Variants in CSMD1 observed in about 807,000 individuals in gnomAD.
CSMD1 encodes the protein CUB and sushi domain-containing protein 1.
A neutral mutation model predicts 417.5 loss-of-function variants in CSMD1; 213 were observed. The ratio of observed to expected loss-of-function variants is 0.51; its 90% CI spans 0.46 to 0.57. The LOEUF (loss-of-function observed/expected upper bound fraction) is 0.57. Ranked by LOEUF, CSMD1 falls within the 20% of genes least tolerant of loss-of-function variation. CSMD1 has a pLI of 0.00. For missense variants in CSMD1, 6,923 were observed against 4,529.7 expected, an observed-to-expected ratio of 1.53 and a Z score of -15.17; for synonymous variants, 2,862 against 1,736.8, an observed-to-expected ratio of 1.65 and a Z score of -16.11.
intron 1 of CSMD1, among the ~76,000 whole-genome samples, chr8:4,645,802 T>A (rs1803483345): frequency 6.6e-6 from 1 of 152,158 alleles, no homozygotes; most frequent in Non-Finnish European, 1.5e-5. Context: ...CCTGTTGTCC[T>A]TTAGATTCCG....
intron 7 of CSMD1, among the ~76,000 whole-genome samples, chr8:3,685,580 C>A (rs1048620724): frequency 6.6e-6 from 1 of 152,154 alleles, no homozygotes; most frequent in East Asian, 1.9e-4. Context: ...AGGAGTGAAG[C>A]ATCTGGCATC....
chr8:3,307,556 AC>A, intron 25 of CSMD1, 138 bp downstream of exon 25: 1 of 1,017,408 alleles, frequency 9.8e-7, no homozygotes, highest in Non-Finnish European at 1.4e-6. Context: ...AGCCAACAAA[AC>A]TTTTAGCTAC....
chr8:4,882,542 G>A (rs984396863), intron 1 of CSMD1, among the ~76,000 whole-genome samples: 2 of 151,600 alleles, frequency 1.3e-5, no homozygotes, highest in African/African-American at 4.9e-5. Context: ...TTCTGTCCGT[G>A]GCCTCTGCTG....
intron 3 of CSMD1, among the ~76,000 whole-genome samples, chr8:4,036,947 T>C (rs1374634173): frequency 7.0e-6 from 1 of 142,452 alleles, no homozygotes; most frequent in Admixed American, 7.3e-5. Context: ...CTAGTATGGG[T>C]GAGTGTGGGG....
At position 3,359,139 on chromosome 8, in the gene CSMD1, T is replaced by C; in HGVS notation, c.3304+13A>G. ...CCCATGGATGAATGAAATGAAAGCGTGTGACCACCTACCCACACACCTTGG... is the reference window on the plus strand; with the variant it reads ...CCCATGGATGAATGAAATGAAAGCGCGTGACCACCTACCCACACACCTTGG... On this transcript the variant is annotated intron_variant, in intron 21 of 69. Transcript: ENST00000635120. The C allele has an allele frequency of 2.5e-6, 4 of 1,613,498 alleles. No individual in the cohort carries two copies. Among genetic ancestry groups the C allele is most frequent in the African/African-American group, 1.3e-5 (1 of 74,978 alleles).
At chr8:3,876,089 T>A (rs1805795179) in intron 5 of CSMD1, among the ~76,000 whole-genome samples, 1 of 152,206 alleles carries the variant, frequency 6.6e-6, no homozygotes, top group Non-Finnish European at 1.5e-5. Context: ...GTCTTTTCTA[T>A]ATATTTGTTT....
intron 3 of CSMD1, among the ~76,000 whole-genome samples, chr8:4,157,995 T>A (rs1584928199): frequency 6.6e-6 from 1 of 152,118 alleles, no homozygotes; most frequent in South Asian, 2.1e-4. Context: ...GCTAGGACCC[T>A]TTCCTGCTCA....
At chr8:4,149,449 A>C (rs1796452421) in intron 3 of CSMD1, among the ~76,000 whole-genome samples, 1 of 152,218 alleles carries the variant, frequency 6.6e-6, no homozygotes, top group African/African-American at 2.4e-5. Flanking sequence ...ATAAGGGCCA[A>C]TAAAAGGAAA....
At chr8:4,942,356 C>A (rs1204194171) in intron 1 of CSMD1, among the ~76,000 whole-genome samples, 2 of 152,076 alleles carry the variant, frequency 1.3e-5, no homozygotes, top group African/African-American at 4.8e-5. Flanking sequence ...TTTCTCGGTA[C>A]CCTTGTAGTT....
intron 10 of CSMD1, among the ~76,000 whole-genome samples, chr8:3,493,994 A>C (rs991172475): frequency 5.9e-5 from 9 of 152,228 alleles, no homozygotes; most frequent in African/African-American, 1.9e-4. Context: ...GCAACACTTT[A>C]AGCCAAATAT....
chr8:4,168,792 C>T (rs1463320196), intron 3 of CSMD1, among the ~76,000 whole-genome samples: 2 of 152,120 alleles, frequency 1.3e-5, no homozygotes, highest in East Asian at 1.9e-4. Context: ...CTCTCCTCTT[C>T]CCTTTCATTT....
intron 1 of CSMD1, among the ~76,000 whole-genome samples, chr8:4,665,465 C>G (rs1464982102): frequency 6.6e-6 from 1 of 152,196 alleles, no homozygotes; most frequent in Non-Finnish European, 1.5e-5. Context: ...ACAGCTAACA[C>G]ACAAGCATTC....
At chr8:4,152,495 C>A (rs554366917) in intron 3 of CSMD1, among the ~76,000 whole-genome samples, 2 of 149,034 alleles carry the variant, frequency 1.3e-5, no homozygotes, top group Non-Finnish European at 3.0e-5. Context: ...ATGGAAAACA[C>A]TGCAAAGCCC....
At chr8:2,939,875 A>G (rs1801744293) in intron 69 of CSMD1, among the ~76,000 whole-genome samples, 2 of 152,226 alleles carry the variant, frequency 1.3e-5, no homozygotes, top group South Asian at 2.1e-4. Context: ...AGACCTGGCT[A>G]AAATGTTCAC....
intron 41 of CSMD1, among the ~76,000 whole-genome samples, chr8:3,141,031 C>T (rs1429385637): frequency 6.6e-6 from 1 of 152,164 alleles, no homozygotes; most frequent in Non-Finnish European, 1.5e-5. Context: ...AGACTTACTG[C>T]CATATGGATC....
intron 26 of CSMD1, among the ~76,000 whole-genome samples, chr8:3,244,751 G>T (rs574257681): frequency 1.3e-5 from 2 of 152,174 alleles, no homozygotes; most frequent in Non-Finnish European, 2.9e-5. Flanking sequence ...GAATGGGAGG[G>T]ATATAAAGTA....
At chr8:4,115,289 C>G (rs1393644807) in intron 3 of CSMD1, among the ~76,000 whole-genome samples, 1 of 152,162 alleles carries the variant, frequency 6.6e-6, no homozygotes, top group African/African-American at 2.4e-5. Flanking sequence ...TAATTTTTAG[C>G]ATTTTTGGCA....
intron 5 of CSMD1, among the ~76,000 whole-genome samples, chr8:3,969,990 T>C (rs550808490): frequency 6.6e-6 from 1 of 152,310 alleles, no homozygotes; most frequent in African/African-American, 2.4e-5. Flanking sequence ...TCAGTCAACA[T>C]TTGATTCAGT....
At chr8:3,313,655 C>T (rs1805530107) in intron 23 of CSMD1, among the ~76,000 whole-genome samples, 2 of 152,174 alleles carry the variant, frequency 1.3e-5, no homozygotes, top group Non-Finnish European at 2.9e-5. Flanking sequence ...AATAGGAACA[C>T]TTTCACACTG....
Sources: allele counts gnomAD v4.1 joint callset (sites outside exome capture counted in the v4.1 genomes callset), GRCh38; gene constraint gnomAD v4.1.1; transcripts MANE v1.5; gene names NCBI Gene and HGNC (gene_info 2026-07-23, HGNC 2026-07-21).